CDH2: variants seen among roughly 807,000 people sequenced by gnomAD.
CDH2 encodes the protein cadherin 2.
A neutral mutation model predicts 92.0 loss-of-function variants in CDH2; 17 were observed. The observed-to-expected ratio is 0.18, with a 90% confidence interval of 0.13 to 0.28. The LOEUF is 0.28. CDH2 is among the 10% of genes least tolerant of loss of function. The probability of loss-of-function intolerance (pLI) is 1.00; values close to 1 mark genes in which losing one functional copy is unlikely to be tolerated. For missense variants in CDH2, 862 were observed against 1,133.1 expected (o/e 0.76, Z 3.44); for synonymous variants, 419 against 415.9 (o/e 1.01, Z -0.09).
intron 2 of CDH2, among the ~76,000 whole-genome samples, chr18:28,130,296 T>TACTC (rs1418339161): frequency 6.6e-6 from 1 of 152,084 alleles, no homozygotes; most frequent in African/African-American, 2.4e-5. Flanking sequence ...AGGGGCTAAG[T>TACTC]ACTCCCTCCA....
intron 14 of CDH2, among the ~76,000 whole-genome samples, chr18:27,964,199 A>G (rs771387653): frequency 6.6e-6 from 1 of 152,216 alleles, no homozygotes; most frequent in African/African-American, 2.4e-5. Flanking sequence ...GTGGTAGACC[A>G]GAGAGAGGGT....
chr18:27,997,228 ACACTGAG>A (rs1220373547), intron 7 of CDH2, among the ~76,000 whole-genome samples: 4 of 151,930 alleles, frequency 2.6e-5, no homozygotes, highest in Non-Finnish European at 4.4e-5. Flanking sequence ...CAATTTTGAA[ACACTGAG>A]TGACATCAGT....
intron 2 of CDH2, among the ~76,000 whole-genome samples, chr18:28,131,683 GGTGT>G (rs33990872): frequency 6.5e-4 from 98 of 150,296 alleles, no homozygotes; most frequent in African/African-American, 2.3e-3. Flanking sequence ...AAGCATTTGT[GGTGT>G]GTGTGTGTGT....
chr18:28,025,437 G>A (rs1332781828), intron 2 of CDH2, among the ~76,000 whole-genome samples: 5 of 151,720 alleles, frequency 3.3e-5, no homozygotes, highest in Non-Finnish European at 1.5e-5. Flanking sequence ...AGAATTGCTT[G>A]AATCTGGGAG....
chr18:28,127,925 C>G (rs1339651536), intron 2 of CDH2, among the ~76,000 whole-genome samples: 1 of 152,168 alleles, frequency 6.6e-6, no homozygotes, highest in Admixed American at 6.5e-5. Flanking sequence ...TTTTGCAAAG[C>G]TAACCTATCA....
At chr18:28,147,085 A>G (rs534539949) in intron 2 of CDH2, among the ~76,000 whole-genome samples, 137 of 152,248 alleles carry the variant, frequency 9.0e-4, no homozygotes, top group Non-Finnish European at 5.1e-4. Flanking sequence ...ATCCATATTT[A>G]AATGGGAAAT....
chr18:27,985,087 C>A lies in CDH2; in HGVS notation c.2122G>T (p.Asp708Tyr), dbSNP rs2012183075. 1.9e-6 allele frequency: 3 copies of A among 1,614,116 alleles called. No homozygotes were observed. Among genetic ancestry groups the A allele is most frequent in the Non-Finnish European group, 2.5e-6 (3 of 1,179,992 alleles). The change falls in exon 13 of 16, where the codon GAC (aspartate) becomes TAC (tyrosine). Residue 708 changes from aspartate (D) to tyrosine (Y), a missense_variant. Physicochemically the swap from Asp to Tyr is radical, Grantham distance 160. Around this residue, in one of 5 missense-constraint regions of CDH2, gnomAD observed 564 missense variants for 722.2 expected, o/e 0.78. Transcript: ENST00000269141. The part of the protein sequence containing the change: ...VKVCQCDSNG[D>Y]CTDVDRIVGA... The stretch of plus-strand genomic sequence containing the variant: ...ACAATCCTGTCCACATCTGTGCAGT[C>A]CCCGTTGGAGTCACACTGGCAAACC...
chr18:27,980,394 G>C (rs888187066), intron 14 of CDH2, among the ~76,000 whole-genome samples: 1 of 152,200 alleles, frequency 6.6e-6, no homozygotes, highest in Admixed American at 6.5e-5. Context: ...TCTGTTGTAG[G>C]ATGGAGGTAA....
intron 2 of CDH2, among the ~76,000 whole-genome samples, chr18:28,036,872 C>A (rs1299100115): frequency 6.6e-6 from 1 of 152,110 alleles, no homozygotes; most frequent in Non-Finnish European, 1.5e-5. Flanking sequence ...GGTAAAACAG[C>A]ACTTCTGTTT....
At chr18:27,940,389 T>A (rs1388996520) in intron 6 of CDH2, among the ~76,000 whole-genome samples, 1 of 152,140 alleles carries the variant, frequency 6.6e-6, no homozygotes, top group Non-Finnish European at 1.5e-5. Context: ...TTTCAAAAGG[T>A]CCCTAGAAAT....
At chr18:27,985,826 G>A (rs866509910) in intron 11 of CDH2, 65 bp from the exon 12 acceptor site, 1 of 947,494 alleles carries the variant, frequency 1.1e-6, no homozygotes, top group Non-Finnish European at 1.6e-6. Flanking sequence ...CAATTATGGT[G>A]AAATTCTCAA....
At chr18:27,999,661 TATATAC>T (rs1311241794) in intron 7 of CDH2, among the ~76,000 whole-genome samples, 56 of 143,518 alleles carry the variant, frequency 3.9e-4, no homozygotes, top group African/African-American at 1.0e-3. Flanking sequence ...AATTTATATA[TATATAC>T]ATATATACAT....
At chr18:28,076,991 A>T (rs2014733129) in intron 2 of CDH2, among the ~76,000 whole-genome samples, 1 of 152,174 alleles carries the variant, frequency 6.6e-6, no homozygotes, top group Non-Finnish European at 1.5e-5. Context: ...CTTTATCATT[A>T]GCATAATTAT....
At chr18:27,936,087 C>G (rs763140536) in intron 6 of CDH2, among the ~76,000 whole-genome samples, 4 of 152,102 alleles carry the variant, frequency 2.6e-5, no homozygotes, top group Non-Finnish European at 5.9e-5. Context: ...TTCTTCTTGA[C>G]AATAGAAGAC....
intron 2 of CDH2, among the ~76,000 whole-genome samples, chr18:28,087,334 G>A (rs146713464): frequency 6.6e-6 from 1 of 152,272 alleles, no homozygotes; most frequent in African/African-American, 2.4e-5. Context: ...AACACAATAA[G>A]CCCGCCTAAA....
intron 2 of CDH2, among the ~76,000 whole-genome samples, chr18:28,056,093 G>A (rs2014288011): frequency 6.6e-6 from 1 of 151,218 alleles, no homozygotes; most frequent in Non-Finnish European, 1.5e-5. Context: ...TTTTTTAAGA[G>A]AAAAAGAGTA....
chr18:27,958,271 A>C (rs2011303068), intron 15 of CDH2, among the ~76,000 whole-genome samples: 1 of 152,078 alleles, frequency 6.6e-6, no homozygotes. Flanking sequence ...AAATTAATTA[A>C]TAGGAGAAAA....
At chr18:28,099,504 GACTTC>G (rs2015192775) in intron 2 of CDH2, among the ~76,000 whole-genome samples, 2 of 152,058 alleles carry the variant, frequency 1.3e-5, no homozygotes, top group African/African-American at 4.8e-5. Context: ...CCAGTTGCAA[GACTTC>G]ACTGAACACT....
intron 2 of CDH2, among the ~76,000 whole-genome samples, chr18:28,046,383 A>G (rs17494024): frequency 0.012 from 1,853 of 152,136 alleles, 46 homozygotes; most frequent in African/African-American, 0.043. Context: ...AAAACAGAGA[A>G]TTATTTCTTT....
Sources: allele counts gnomAD v4.1 joint callset (sites outside exome capture counted in the v4.1 genomes callset), GRCh38; gene constraint gnomAD v4.1.1; regional missense constraint gnomAD v4.1.1; transcripts MANE v1.5; gene names NCBI Gene and HGNC (gene_info 2026-07-23, HGNC 2026-07-21).